Variants in RFWD3 observed in about 807,000 individuals in gnomAD.
RFWD3 encodes the protein E3 ubiquitin-protein ligase RFWD3.
Under a neutral mutation model 87.7 loss-of-function variants are expected in RFWD3, and 65 were observed. That is an observed-to-expected ratio of 0.74 (90% CI 0.61 to 0.91). The LOEUF is 0.91. Among genes scored for constraint, RFWD3 ranks in the 40% least tolerant of loss-of-function variants. The pLI is 0.00. For synonymous variants in RFWD3, 433 were observed against 352.8 expected, an observed-to-expected ratio of 1.23 and a Z score of -2.55; for missense variants, 1,078 against 938.5, an observed-to-expected ratio of 1.15 and a Z score of -1.94.
rs537259127 is a variant in RFWD3 at position 74,640,077 on chromosome 16, G to A, written c.1080-2107C>T. Among the ~76,000 whole-genome samples, 10 of 152,064 alleles carry A rather than the reference G, an allele frequency of 6.6e-5. No individual in the cohort carries two copies. The South Asian group carries it at 1.9e-3, about 29-fold the overall frequency. Reference sequence around the variant, plus strand: ...TACTACGGTTTCAGGCATTCACTGGGGGCTCTTGAAATGTATTCCTTGTGG... The same window carrying A: ...TACTACGGTTTCAGGCATTCACTGGAGGCTCTTGAAATGTATTCCTTGTGG... On this transcript the variant is annotated intron_variant, in intron 6 of 12. Transcript: ENST00000361070.
At chr16:74,635,247 C>G (rs1435736879) in intron 8 of RFWD3, among the ~76,000 whole-genome samples, 1 of 151,622 alleles carries the variant, frequency 6.6e-6, no homozygotes, top group Non-Finnish European at 1.5e-5. Flanking sequence ...AGCGCCACTG[C>G]AGTCCGGCCT....
In RFWD3 at chr16:74,644,699, C is replaced by G; in HGVS notation, c.829G>C (p.Ala277Pro). The G allele has an allele frequency of 6.2e-7, 1 of 1,614,138 alleles. No individual in the cohort carries two copies. Among genetic ancestry groups the G allele is most frequent in the Non-Finnish European group, 8.5e-7 (1 of 1,180,010 alleles). Residue 277 changes from alanine (A) to proline (P), a missense_variant, in exon 5 of 13, where the codon GCT (alanine) becomes CCT (proline). Transcript: ENST00000361070. The stretch of plus-strand genomic sequence containing the variant: ...TCCCCTTCTTCCTCATCCATAGAAG[C>G]AGAAGGTAGCAGAGGCTCAGACTTC... ...PQKSEPLLPS[A>P]SMDEEEGDTC...
intron 8 of RFWD3, 42 bp downstream of exon 8, chr16:74,636,304 G>C (rs1478691092): frequency 6.5e-7 from 1 of 1,534,586 alleles, no homozygotes; most frequent in Non-Finnish European, 9.0e-7. Context: ...AATATATGGA[G>C]TCTAATAAAG....
intron 2 of RFWD3, among the ~76,000 whole-genome samples, chr16:74,659,771 C>A (rs1961283485): frequency 6.6e-6 from 1 of 152,190 alleles, no homozygotes; most frequent in African/African-American, 2.4e-5. Context: ...ACAGAAGGCA[C>A]AATTCCAATT....
At chr16:74,632,299 G>A (rs578244755) in intron 9 of RFWD3, among the ~76,000 whole-genome samples, 2 of 152,078 alleles carry the variant, frequency 1.3e-5, no homozygotes, top group Non-Finnish European at 2.9e-5. Context: ...GGCTGAGGCA[G>A]GAGAATGGCC....
chr16:74,644,645 T>C lies in RFWD3; in HGVS notation c.883A>G (p.Thr295Ala), dbSNP rs529259359. The change falls in exon 5 of 13, where the codon ACC (threonine) becomes GCC (alanine). Residue 295 changes from threonine (T) to alanine (A), a missense_variant. Coordinates refer to ENST00000361070, the MANE Select transcript of RFWD3 (RefSeq NM_018124.4). ...GAGAGCCGGTGGTCCCCAGCATTGG[T>C]CCACTGTTCCAGACATATTGTACAA... ...DTCTICLEQW[T>A]NAGDHRLSAL... 19 of 1,614,132 alleles carry C rather than the reference T, an allele frequency of 1.2e-5. No homozygotes were observed. In the African/African-American group the frequency reaches 1.7e-4, roughly 15 times the overall value.
rs1567572042 is a variant in RFWD3 at position 74,636,571 on chromosome 16, G to C, written c.1201C>G (p.Gln401Glu). 2 of 1,610,980 alleles carry C rather than the reference G, an allele frequency of 1.2e-6. No individual in the cohort carries two copies. Among genetic ancestry groups the C allele is most frequent in the Non-Finnish European group, 1.7e-6 (2 of 1,178,008 alleles). Residue 401 changes from glutamine to glutamate, a missense_variant, in exon 8 of 13, where the codon CAA becomes GAA. Physicochemically the swap from Gln to Glu is conservative, Grantham distance 29. Coordinates refer to ENST00000361070, the MANE Select transcript of RFWD3 (RefSeq NM_018124.4). ...TGACTTTGATGTGACGTAAGTTTTT[G>C]CAAGTCCTAAAATGAAAAAGATTTT... ...TRLQRRVQDLQKLTSHQSQNL... is the reference protein window; with the variant it reads ...TRLQRRVQDLEKLTSHQSQNL...
chr16:74,663,394 A>G (rs1342986253), intron 1 of RFWD3, among the ~76,000 whole-genome samples: 1 of 152,214 alleles, frequency 6.6e-6, no homozygotes, highest in Non-Finnish European at 1.5e-5. Flanking sequence ...CAATGTTTCA[A>G]GGAAGGAACA....
At chr16:74,651,308 A>G (rs1418167924) in intron 3 of RFWD3, among the ~76,000 whole-genome samples, 1 of 152,184 alleles carries the variant, frequency 6.6e-6, no homozygotes, top group Non-Finnish European at 1.5e-5. Flanking sequence ...CTGAATTTAC[A>G]AAACTTTTCT....
intron 11 of RFWD3, among the ~76,000 whole-genome samples, chr16:74,628,116 C>G (rs1958989594): frequency 6.6e-6 from 1 of 152,198 alleles, no homozygotes; most frequent in Admixed American, 6.6e-5. Context: ...AAGAGGCAGG[C>G]AGAAGATACG....
In RFWD3 at chr16:74,661,212, G is replaced by C. The variant is rs1961405735; in HGVS notation, c.238C>G (p.Leu80Val). 2.5e-6 allele frequency: 4 copies of C among 1,614,230 alleles called. No individual in the cohort carries two copies. The highest frequency in any genetic ancestry group is 2.5e-6 in the Non-Finnish European group (3 of 1,180,044). ...LQPAPQLSVD[L>V]TEVEVLGEDT... ...TCTCCCAAGACCTCCACTTCTGTCA[G>C]GTCAACAGACAGTTGCGGAGCAGGC... Residue 80 changes from leucine (L) to valine (V), a missense_variant, in exon 2 of 13, where the codon CTG becomes GTG. Leu to Val is a conservative substitution (Grantham distance 32, BLOSUM62 1). Coordinates refer to ENST00000361070, the MANE Select transcript of RFWD3 (RefSeq NM_018124.4).
At position 74,626,456 on chromosome 16, in the gene RFWD3, A is replaced by C; in HGVS notation, c.2068T>G (p.Phe690Val). 6.2e-7 allele frequency: 1 copy of C among 1,614,220 alleles called. No individual in the cohort carries two copies. Among genetic ancestry groups the C allele is most frequent in the Non-Finnish European group, 8.5e-7 (1 of 1,180,026 alleles). ...AGTTTGCAAGTAGGTCCTCCAAAAA[A>C]TGTATGTACAGGCTGGCAGGAGCAG... ...PICSCQPVHTFFGGPTCKLLT... is the reference protein window; with the variant it reads ...PICSCQPVHTVFGGPTCKLLT... Residue 690 changes from phenylalanine to valine, a missense_variant, in exon 12 of 13, where the codon TTT (phenylalanine) becomes GTT (valine). By Grantham distance (50) the Phe-to-Val change is conservative (BLOSUM62 -1). Transcript: ENST00000361070.
At position 74,650,098 on chromosome 16, in the gene RFWD3, G is replaced by A. The variant is rs114276022; in HGVS notation, c.722-896C>T. Among the ~76,000 whole-genome samples the A allele has an allele frequency of 7.7e-3, 1,178 of 152,142 alleles. 27 individuals carry two copies. The highest frequency in any genetic ancestry group is 0.027 in the African/African-American group (1,115 of 41,496). ...CCTTTTCTGGACATTTTATGTAAGT[G>A]GAATCATAAACTATGTTGGTTTACT... is the stretch of plus-strand genomic sequence containing the variant. On this transcript the variant is annotated intron_variant, in intron 3 of 12. Transcript: ENST00000361070.
Position 74,660,970 on chromosome 16 carries a change from C to A in RFWD3, c.480G>T (p.Arg160Ser). The change falls in exon 2 of 13, where the codon AGG becomes AGT. Residue 160 changes from arginine (R) to serine (S), a missense_variant. By Grantham distance (110) the Arg-to-Ser change is moderately radical. Coordinates refer to ENST00000361070, the MANE Select transcript of RFWD3 (RefSeq NM_018124.4). ...RTRRRVSASR[R>S]ARAGGSQRTD... Reference sequence around the variant, plus strand: ...TCCTCTGAGACCCTCCGGCTCTTGCCCTCCGTGAAGCAGATACCCTCCTTC... The same window carrying A: ...TCCTCTGAGACCCTCCGGCTCTTGCACTCCGTGAAGCAGATACCCTCCTTC... 1 of 1,614,076 alleles carries A rather than the reference C, an allele frequency of 6.2e-7. No individual in the cohort carries two copies. Among genetic ancestry groups the A allele is most frequent in the South Asian group, 1.1e-5 (1 of 91,080 alleles).
intron 8 of RFWD3, 117 bp from the exon 9 acceptor site, chr16:74,632,790 C>T: frequency 1.1e-6 from 1 of 900,930 alleles, no homozygotes; most frequent in Non-Finnish European, 1.7e-6. Flanking sequence ...CCTTGGGAAC[C>T]AGCTGGTCAA....
chr16:74,657,503 T>A (rs1276142436), intron 2 of RFWD3, among the ~76,000 whole-genome samples: 3 of 136,628 alleles, frequency 2.2e-5, no homozygotes, highest in African/African-American at 2.9e-5. Flanking sequence ...TGAGACGGAG[T>A]CTCGCTCTGC....
Position 74,652,228 on chromosome 16 carries a change from C to G in RFWD3, c.519-106G>C, listed in dbSNP as rs1486868935. ...CCTATCACTTCAACCCATCTCCAGG[C>G]CATTAAATGCTGCCTTTGAAAGCTG... is the stretch of plus-strand genomic sequence containing the variant. On this transcript the variant is annotated intron_variant, in intron 2 of 12. Coordinates refer to ENST00000361070, the MANE Select transcript of RFWD3 (RefSeq NM_018124.4). The G allele has an allele frequency of 7.2e-6, 7 of 966,494 alleles. 1 individual carries two copies. The Middle Eastern group carries it at 1.3e-3, about 182-fold the overall frequency. The allele number at this position is 966,494 out of a possible 1,614,324, so 59.9% of individuals were successfully genotyped here. A position where few individuals can be genotyped will look rare whatever the true frequency, so the allele number is the denominator to read the frequency against.
intron 2 of RFWD3, among the ~76,000 whole-genome samples, chr16:74,657,554 C>A (rs1487796675): frequency 6.7e-6 from 1 of 149,942 alleles, no homozygotes; most frequent in Non-Finnish European, 1.5e-5. Flanking sequence ...CGGCTCACTG[C>A]AACATCCACC....
At chr16:74,652,144 G>C (rs776453305) in intron 2 of RFWD3, 22 bp from the exon 3 acceptor site, 1 of 1,599,064 alleles carries the variant, frequency 6.3e-7, no homozygotes, top group South Asian at 1.1e-5. Context: ...GAAAGACAAC[G>C]GAATTATAGT....
Sources: gnomAD v4.1 joint callset for allele counts (sites outside exome capture counted in the v4.1 genomes callset) on GRCh38, gnomAD v4.1.1 for gene constraint, MANE v1.5 for transcripts, NCBI Gene and HGNC (gene_info 2026-07-23, HGNC 2026-07-21) for gene names.